The following KIAA1549 variants were observed in gnomAD, a reference collection of about 807,000 sequenced individuals.
KIAA1549 encodes the protein KIAA1549.
Under a neutral mutation model 156.4 loss-of-function variants are expected in KIAA1549, and 70 were observed. The ratio of observed to expected loss-of-function variants is 0.45; its 90% CI spans 0.37 to 0.55. The LOEUF is 0.55. Among genes scored for constraint, KIAA1549 ranks in the 20% least tolerant of loss-of-function variants. The probability of loss-of-function intolerance (pLI) is 0.00; values close to 1 mark genes in which losing one functional copy is unlikely to be tolerated. For synonymous variants in KIAA1549, 1,103 were observed against 1,066.4 expected (o/e 1.03, Z -0.67); for missense variants, 2,428 against 2,540.9 (o/e 0.96, Z 0.96).
intron 1 of KIAA1549, among the ~76,000 whole-genome samples, chr7:138,970,584 A>G (rs1814189956): frequency 6.6e-6 from 1 of 152,226 alleles, no homozygotes; most frequent in Admixed American, 6.5e-5. Flanking sequence ...TGTGCACACA[A>G]GTCACCTGGA....
chr7:138,863,277 G>A (rs146382782), intron 15 of KIAA1549, among the ~76,000 whole-genome samples: 125 of 151,532 alleles, frequency 8.2e-4, no homozygotes, highest in African/African-American at 2.8e-3. Flanking sequence ...CACTTGCCAC[G>A]TGCCTGCAGT....
chr7:138,920,877 T>C (rs968718165), intron 1 of KIAA1549, among the ~76,000 whole-genome samples: 6 of 152,262 alleles, frequency 3.9e-5, no homozygotes, highest in African/African-American at 1.4e-4. Flanking sequence ...CATGGCAGAC[T>C]AGAGATCTTG....
At chr7:138,876,094 T>C (rs34717241) in intron 12 of KIAA1549, among the ~76,000 whole-genome samples, 68,387 of 151,970 alleles carry the variant, frequency 0.45, 16,235 homozygotes, top group African/African-American at 0.59. Flanking sequence ...CTCATCTTCA[T>C]TGTATATCAC....
At chr7:138,943,874 T>C (rs80128159) in intron 1 of KIAA1549, among the ~76,000 whole-genome samples, 2 of 149,872 alleles carry the variant, frequency 1.3e-5, no homozygotes, top group Admixed American at 1.3e-4. Flanking sequence ...AAAAAAAAAA[T>C]GCATTACCTC....
chr7:138,915,743 C>T (rs1812299328), intron 2 of KIAA1549, among the ~76,000 whole-genome samples: 1 of 152,066 alleles, frequency 6.6e-6, no homozygotes, highest in African/African-American at 2.4e-5. Flanking sequence ...TTCTGTCCTC[C>T]ACTCCTACCA....
chr7:138,884,299 A>C (rs1811330169), intron 10 of KIAA1549, among the ~76,000 whole-genome samples: 1 of 151,364 alleles, frequency 6.6e-6, no homozygotes, highest in African/African-American at 2.4e-5. Flanking sequence ...TGCGCTTTGA[A>C]ATATCTGTAA....
chr7:138,891,605 T>A (rs2130428673), intron 10 of KIAA1549, among the ~76,000 whole-genome samples: 1 of 152,290 alleles, frequency 6.6e-6, no homozygotes, highest in South Asian at 2.1e-4. Flanking sequence ...TCCCAGACAA[T>A]CTGAAGAGGT....
At chr7:138,975,372 T>G (rs1395175072) in intron 1 of KIAA1549, among the ~76,000 whole-genome samples, 1 of 152,140 alleles carries the variant, frequency 6.6e-6, no homozygotes, top group Non-Finnish European at 1.5e-5. Context: ...CAGCAGGTCA[T>G]GGGCCTAGAA....
chr7:138,883,153 A>C (rs939951566), intron 10 of KIAA1549, among the ~76,000 whole-genome samples: 2 of 147,834 alleles, frequency 1.4e-5, no homozygotes, highest in Non-Finnish European at 3.0e-5. Context: ...CACACCTGTA[A>C]TCCCAGCTAC....
intron 10 of KIAA1549, among the ~76,000 whole-genome samples, chr7:138,890,863 C>G (rs1174169107): frequency 6.6e-6 from 1 of 152,240 alleles, no homozygotes; most frequent in Non-Finnish European, 1.5e-5. Context: ...TTTGCAATCC[C>G]TTCTATGTCC....
chr7:138,878,317 C>A (rs554399479), intron 12 of KIAA1549, among the ~76,000 whole-genome samples: 1 of 151,232 alleles, frequency 6.6e-6, no homozygotes, highest in Non-Finnish European at 1.5e-5. Context: ...AAGGCTGAGC[C>A]ACCCGCGAGG....
intron 6 of KIAA1549, among the ~76,000 whole-genome samples, chr7:138,906,364 C>T (rs746861571): frequency 1.3e-5 from 2 of 152,126 alleles, no homozygotes; most frequent in Non-Finnish European, 2.9e-5. Flanking sequence ...GCAGGATCAA[C>T]CAATGCAGGT....
At chr7:138,907,813 G>A (rs1319951830) in intron 5 of KIAA1549, among the ~76,000 whole-genome samples, 2 of 152,124 alleles carry the variant, frequency 1.3e-5, no homozygotes, top group African/African-American at 4.8e-5. Context: ...CAAGAAGGTG[G>A]GCAGAGGCTA....
intron 19 of KIAA1549, 69 bp from the exon 20 acceptor site, chr7:138,838,229 CT>C: frequency 1.4e-6 from 2 of 1,432,114 alleles, no homozygotes; most frequent in Non-Finnish European, 1.8e-6. Context: ...TGCAAACTGG[CT>C]TTAGGAAGGT....
At chr7:138,960,261 C>A (rs1297713276) in intron 1 of KIAA1549, among the ~76,000 whole-genome samples, 3 of 151,616 alleles carry the variant, frequency 2.0e-5, no homozygotes, top group Non-Finnish European at 4.4e-5. Context: ...CATAGTGAGA[C>A]CTCATCTCTA....
At chr7:138,967,728 G>A (rs990115246) in intron 1 of KIAA1549, among the ~76,000 whole-genome samples, 4 of 152,130 alleles carry the variant, frequency 2.6e-5, no homozygotes, top group African/African-American at 9.7e-5. Context: ...CAAGGATGCT[G>A]AGGTGAGGTA....
chr7:138,866,922 C>A (rs1179841353), intron 15 of KIAA1549, among the ~76,000 whole-genome samples: 1 of 152,138 alleles, frequency 6.6e-6, no homozygotes, highest in Non-Finnish European at 1.5e-5. Context: ...CCCACCTCAG[C>A]CTCCCAAGTA....
intron 1 of KIAA1549, among the ~76,000 whole-genome samples, chr7:138,930,950 A>C (rs778546319): frequency 3.3e-5 from 5 of 152,192 alleles, no homozygotes; most frequent in Non-Finnish European, 7.3e-5. Context: ...AGTGAGAGAC[A>C]TGCAACTCTT....
chr7:138,926,296 C>CTTTTTCT (rs1554423095), intron 1 of KIAA1549, among the ~76,000 whole-genome samples: 1 of 150,038 alleles, frequency 6.7e-6, no homozygotes, highest in African/African-American at 2.4e-5. Context: ...TTTTCTTTTT[C>CTTTTTCT]TTTTTTTTTG....
Sources: allele counts gnomAD v4.1 joint callset (sites outside exome capture counted in the v4.1 genomes callset), GRCh38; gene constraint gnomAD v4.1.1; transcripts MANE v1.5; gene names NCBI Gene and HGNC (gene_info 2026-07-23, HGNC 2026-07-21).